KIAA1549L: variants seen among roughly 807,000 people sequenced by gnomAD.
KIAA1549L encodes KIAA1549 like, also known as UPF0606 protein KIAA1549L.
Under a neutral mutation model 160.7 loss-of-function variants are expected in KIAA1549L, and 88 were observed. The observed-to-expected ratio is 0.55, with a 90% CI of 0.46 to 0.65. The LOEUF is 0.65. Ranked by LOEUF, KIAA1549L falls within the 30% of genes least tolerant of loss-of-function variation. KIAA1549L has a pLI of 0.00. For missense variants in KIAA1549L, 2,258 were observed against 2,437.5 expected, an observed-to-expected ratio of 0.93 and a Z score of 1.55; for synonymous variants, 950 against 976.7, an observed-to-expected ratio of 0.97 and a Z score of 0.51.
intron 13 of KIAA1549L, among the ~76,000 whole-genome samples, chr11:33,604,149 G>A (rs1850437654): frequency 6.6e-6 from 1 of 152,188 alleles, no homozygotes; most frequent in Non-Finnish European, 1.5e-5. Context: ...CTAGCAACCT[G>A]AAATTTATTA....
intron 1 of KIAA1549L, among the ~76,000 whole-genome samples, chr11:33,398,399 C>A (rs548691725): frequency 6.6e-6 from 1 of 152,162 alleles, no homozygotes; most frequent in Non-Finnish European, 1.5e-5. Context: ...ACTTTTATGG[C>A]AATTAGGCAT....
chr11:33,669,823 G>A lies in KIAA1549L; in HGVS notation c.*1669G>A, dbSNP rs560532447. 2 of 152,342 alleles carry A rather than the reference G, an allele frequency of 1.3e-5. No individual in the cohort carries two copies. The highest frequency in any genetic ancestry group is 2.9e-5 in the Non-Finnish European group (2 of 68,030). 9.4% of individuals were successfully genotyped at this position (152,342 alleles called of 1,614,324 possible). A position where few individuals can be genotyped will look rare whatever the true frequency, so the allele number is the denominator to read the frequency against. ...GATGTGTCATGGAACCTTCAAACAA[G>A]TCTCTTGTTCGGATGATAATAGGTA... On this transcript the variant is annotated 3_prime_UTR_variant, in exon 21 of 21. Transcript: ENST00000658780.
intron 16 of KIAA1549L, among the ~76,000 whole-genome samples, chr11:33,638,255 TCA>T (rs1465520637): frequency 1.3e-5 from 2 of 152,146 alleles, no homozygotes; most frequent in African/African-American, 4.8e-5. Flanking sequence ...ACTTTTTTTT[TCA>T]GTCAATATTC....
chr11:33,426,234 ACT>A (rs1449557518), intron 1 of KIAA1549L, among the ~76,000 whole-genome samples: 1 of 151,886 alleles, frequency 6.6e-6, no homozygotes, highest in Non-Finnish European at 1.5e-5. Flanking sequence ...AGCGTATTGA[ACT>A]CTCTGCACTC....
chr11:33,535,777 TAG>T (rs773783702), intron 1 of KIAA1549L, among the ~76,000 whole-genome samples: 1 of 152,192 alleles, frequency 6.6e-6, no homozygotes, highest in Non-Finnish European at 1.5e-5. Context: ...GGGGTCACAT[TAG>T]AGTCTGCCTG....
intron 1 of KIAA1549L, among the ~76,000 whole-genome samples, chr11:33,493,827 C>T (rs1852753723): frequency 6.6e-6 from 1 of 152,140 alleles, no homozygotes. Context: ...GCTGATAGTC[C>T]CATCACTCCC....
chr11:33,615,426 A>G (rs1489735914), intron 15 of KIAA1549L, among the ~76,000 whole-genome samples: 2 of 152,196 alleles, frequency 1.3e-5, no homozygotes, highest in Non-Finnish European at 2.9e-5. Context: ...GTATGCTTCA[A>G]AATGTATTGC....
At chr11:33,500,324 A>C (rs1402694905) in intron 1 of KIAA1549L, among the ~76,000 whole-genome samples, 1 of 152,212 alleles carries the variant, frequency 6.6e-6, no homozygotes, top group Non-Finnish European at 1.5e-5. Context: ...TGAGAATTAA[A>C]TGAGATGAAG....
intron 1 of KIAA1549L, among the ~76,000 whole-genome samples, chr11:33,501,111 T>C (rs1281334308): frequency 6.6e-6 from 1 of 152,122 alleles, no homozygotes; most frequent in African/African-American, 2.4e-5. Context: ...ATAAGGAGTG[T>C]TAACAAAGAA....
chr11:33,583,714 A>G (rs1377946538), intron 11 of KIAA1549L, among the ~76,000 whole-genome samples: 3 of 152,196 alleles, frequency 2.0e-5, no homozygotes, highest in Non-Finnish European at 2.9e-5. Flanking sequence ...AGTGTTTTAT[A>G]TACAGCAGCT....
rs185718936 is a variant in KIAA1549L, at chr11:33,605,957, G to A, written c.4880-684G>A. Among the ~76,000 whole-genome samples the A allele has an allele frequency of 4.6e-5, 7 of 152,338 alleles. No homozygotes were observed. In the East Asian group the frequency reaches 7.7e-4, roughly 17 times the overall value. ...TTTAGCAATTGCAGCAGAATTATCT[G>A]TCAGAAGGGAGGATTAATTTAACAG... On this transcript the variant is annotated intron_variant, in intron 13 of 20. Coordinates refer to ENST00000658780, the MANE Select transcript of KIAA1549L (RefSeq NM_012194.3).
At chr11:33,437,846 A>G (rs1374429583) in intron 1 of KIAA1549L, among the ~76,000 whole-genome samples, 7 of 152,156 alleles carry the variant, frequency 4.6e-5, no homozygotes, top group Admixed American at 2.6e-4. Context: ...TCCAGGCTAG[A>G]TGTGGATGGA....
chr11:33,583,591 G>A, intron 11 of KIAA1549L, 90 bp downstream of exon 11: 1 of 1,212,326 alleles, frequency 8.2e-7, no homozygotes, highest in Non-Finnish European at 1.1e-6. Flanking sequence ...GCCATTGCCA[G>A]AGCCTGCAGA....
chr11:33,470,850 C>T (rs1266909732), intron 1 of KIAA1549L, among the ~76,000 whole-genome samples: 3 of 152,062 alleles, frequency 2.0e-5, no homozygotes, highest in Admixed American at 6.6e-5. Flanking sequence ...ATTCTGTGTC[C>T]TTGAGAGAGA....
chr11:33,532,576 G>GT (rs1489490897), intron 1 of KIAA1549L, among the ~76,000 whole-genome samples: 3 of 152,172 alleles, frequency 2.0e-5, no homozygotes, highest in African/African-American at 7.2e-5. Flanking sequence ...CTTGTCCAAG[G>GT]TTACTCAGTT....
At chr11:33,489,467 A>G (rs1185826793) in intron 1 of KIAA1549L, among the ~76,000 whole-genome samples, 1 of 152,176 alleles carries the variant, frequency 6.6e-6, no homozygotes, top group Non-Finnish European at 1.5e-5. Flanking sequence ...GCTTCAATGT[A>G]TGGATTTTGG....
chr11:33,579,181 C>T (rs990352364), intron 10 of KIAA1549L, among the ~76,000 whole-genome samples: 1 of 152,142 alleles, frequency 6.6e-6, no homozygotes. Flanking sequence ...TATAAAAACA[C>T]CTCCCTAAGA....
intron 1 of KIAA1549L, among the ~76,000 whole-genome samples, chr11:33,495,609 C>T (rs535014386): frequency 1.9e-4 from 29 of 152,228 alleles, no homozygotes; most frequent in African/African-American, 7.0e-4. Context: ...GTCTTTATAG[C>T]AGCATGATTT....
chr11:33,618,985 G>A (rs1214132031), intron 16 of KIAA1549L, among the ~76,000 whole-genome samples: 7 of 152,096 alleles, frequency 4.6e-5, no homozygotes, highest in African/African-American at 1.4e-4. Flanking sequence ...AGGGACCACG[G>A]CCATGGGTTA....
Sources: gnomAD v4.1 joint callset for allele counts (sites outside exome capture counted in the v4.1 genomes callset) on GRCh38, gnomAD v4.1.1 for gene constraint, MANE v1.5 for transcripts, NCBI Gene and HGNC (gene_info 2026-07-23, HGNC 2026-07-21) for gene names.